Variants in UBE3D observed in about 807,000 individuals in gnomAD.
UBE3D encodes the protein E3 ubiquitin-protein ligase E3D.
Under a neutral mutation model 49.6 loss-of-function variants are expected in UBE3D, and 48 were observed. The observed-to-expected ratio is 0.97, with a 90% CI of 0.77 to 1.23. The LOEUF (loss-of-function observed/expected upper bound fraction) is 1.23, where lower values mean the gene tolerates loss of function less well. Among genes scored for constraint, UBE3D ranks in the 50% most tolerant of loss-of-function variants. UBE3D has a pLI of 0.00. For missense variants in UBE3D, 452 were observed against 468.4 expected (o/e 0.96, Z 0.32); for synonymous variants, 189 against 174.2 (o/e 1.08, Z -0.67).
At chr6:82,998,643 TAAAA>T (rs1779408150) in intron 8 of UBE3D, among the ~76,000 whole-genome samples, 1 of 152,172 alleles carries the variant, frequency 6.6e-6, no homozygotes, top group Non-Finnish European at 1.5e-5. Context: ...CTTTGGTACT[TAAAA>T]AAATTTTTTA....
chr6:83,025,038 TG>T (rs1348141410), intron 5 of UBE3D, among the ~76,000 whole-genome samples: 2 of 152,292 alleles, frequency 1.3e-5, no homozygotes, highest in Non-Finnish European at 2.9e-5. Context: ...TTAGCAGGCT[TG>T]CTATCTAATT....
At chr6:83,013,820 C>T (rs1020328074) in intron 8 of UBE3D, among the ~76,000 whole-genome samples, 8 of 152,298 alleles carry the variant, frequency 5.3e-5, no homozygotes, top group African/African-American at 1.7e-4. Flanking sequence ...AGTGTGTTTG[C>T]TACTTCTTGA....
Position 83,057,957 on chromosome 6 carries a change from G to A in UBE3D, c.143C>T (p.Thr48Ile). Residue 48 changes from threonine to isoleucine, a missense_variant, in exon 2 of 10, where the codon ACC becomes ATC. Thr to Ile is a moderately conservative substitution (Grantham distance 89). Coordinates refer to ENST00000369747, the MANE Select transcript of UBE3D (RefSeq NM_198920.3). ...SIMPSSLQMK[T>I]PEGCTEIQLP... ...CTGGATTTCTGTGCAGCCTTCAGGG[G>A]TTTTCATCTGGAGTGAAGATGGCAT... 1 of 1,614,142 alleles carries A rather than the reference G, an allele frequency of 6.2e-7. No homozygotes were observed. Among genetic ancestry groups the A allele is most frequent in the East Asian group, 2.2e-5 (1 of 44,884 alleles).
At chr6:83,005,100 TTATTATCCAGAA>T (rs138221370) in intron 8 of UBE3D, among the ~76,000 whole-genome samples, 3,892 of 152,200 alleles carry the variant, frequency 0.026, 184 homozygotes, top group African/African-American at 0.088. Context: ...TCATAAGGGA[TTATTATCCAGAA>T]TATAAAGCAT....
chr6:83,008,079 T>C (rs1396772621), intron 8 of UBE3D, among the ~76,000 whole-genome samples: 1 of 152,200 alleles, frequency 6.6e-6, no homozygotes, highest in African/African-American at 2.4e-5. Context: ...CAGACACAGT[T>C]TGATTTCAGA....
At chr6:83,025,440 T>G (rs1315415161) in intron 5 of UBE3D, among the ~76,000 whole-genome samples, 2 of 152,130 alleles carry the variant, frequency 1.3e-5, no homozygotes, top group Non-Finnish European at 2.9e-5. Flanking sequence ...AATAAGATTT[T>G]TTTTTTTTGC....
At chr6:82,915,848 G>C (rs1772878459) in intron 9 of UBE3D, among the ~76,000 whole-genome samples, 1 of 152,102 alleles carries the variant, frequency 6.6e-6, no homozygotes, top group African/African-American at 2.4e-5. Flanking sequence ...AGGTAGAGCA[G>C]GAAGTGATGC....
intron 1 of UBE3D, among the ~76,000 whole-genome samples, chr6:83,063,624 A>T (rs1784318324): frequency 6.6e-6 from 1 of 152,156 alleles, no homozygotes; most frequent in Admixed American, 6.5e-5. Context: ...GCTAAAAAGC[A>T]AGTGAAAAGG....
chr6:83,023,771 T>C (rs1039915123), intron 6 of UBE3D, among the ~76,000 whole-genome samples, 198 bp downstream of exon 6: 3 of 152,142 alleles, frequency 2.0e-5, no homozygotes, highest in Non-Finnish European at 2.9e-5. Context: ...AAGACTACAC[T>C]TGAGTACAGT....
intron 8 of UBE3D, among the ~76,000 whole-genome samples, chr6:82,959,158 T>C (rs1776369707): frequency 6.6e-6 from 1 of 152,024 alleles, no homozygotes; most frequent in African/African-American, 2.4e-5. Flanking sequence ...CCTCTAATTT[T>C]TTTTTTTTTA....
At chr6:82,994,084 C>T (rs779577513) in intron 8 of UBE3D, among the ~76,000 whole-genome samples, 14 of 152,064 alleles carry the variant, frequency 9.2e-5, no homozygotes, top group Non-Finnish European at 1.8e-4. Flanking sequence ...AATCATAGGG[C>T]CTAAAATAAA....
intron 8 of UBE3D, among the ~76,000 whole-genome samples, chr6:82,960,959 G>C (rs2127779329): frequency 6.6e-6 from 1 of 152,198 alleles, no homozygotes; most frequent in East Asian, 1.9e-4. Context: ...TAAAAAGTGT[G>C]GTGAAAAGGT....
intron 8 of UBE3D, among the ~76,000 whole-genome samples, chr6:82,997,089 T>C (rs1353638669): frequency 1.3e-5 from 2 of 152,146 alleles, no homozygotes. Context: ...TCTAAATTAC[T>C]TCTAAATTTT....
At chr6:83,018,055 T>C (rs1433506460) in intron 8 of UBE3D, 1 of 152,158 alleles carries the variant, frequency 6.6e-6, no homozygotes, top group African/African-American at 2.4e-5. Flanking sequence ...TAATTTTACC[T>C]TGTATATATC....
chr6:82,977,998 TTATG>T (rs1777848693), intron 8 of UBE3D, among the ~76,000 whole-genome samples: 2 of 152,160 alleles, frequency 1.3e-5, no homozygotes, highest in South Asian at 4.1e-4. Flanking sequence ...TTCCGCTGGG[TTATG>T]TATGGAGAGA....
chr6:83,038,724 C>A (rs1424422844), intron 4 of UBE3D, among the ~76,000 whole-genome samples: 3 of 152,128 alleles, frequency 2.0e-5, no homozygotes, highest in Non-Finnish European at 4.4e-5. Flanking sequence ...CTTGATAGTC[C>A]AAAAGTTGCC....
At chr6:82,894,251 C>A (rs866051591) in intron 9 of UBE3D, among the ~76,000 whole-genome samples, 7 of 152,152 alleles carry the variant, frequency 4.6e-5, no homozygotes, top group African/African-American at 7.2e-5. Flanking sequence ...GGGTTCGGAC[C>A]ATGAGAAACA....
chr6:83,027,002 G>A (rs1781506824), intron 5 of UBE3D, among the ~76,000 whole-genome samples: 1 of 152,042 alleles, frequency 6.6e-6, no homozygotes, highest in Non-Finnish European at 1.5e-5. Context: ...AATCCCACAA[G>A]TATTATTTCT....
At chr6:83,041,637 TCTTATA>T (rs2127813567) in intron 4 of UBE3D, among the ~76,000 whole-genome samples, 1 of 152,304 alleles carries the variant, frequency 6.6e-6, no homozygotes, top group South Asian at 2.1e-4. Context: ...ATACTATTCT[TCTTATA>T]CTTGTGAATA....
Sources: gnomAD v4.1 joint callset for allele counts (sites outside exome capture counted in the v4.1 genomes callset) on GRCh38, gnomAD v4.1.1 for gene constraint, MANE v1.5 for transcripts, NCBI Gene and HGNC (gene_info 2026-07-23, HGNC 2026-07-21) for gene names.